Variants in CSMD1 observed in about 807,000 individuals in gnomAD.
The protein encoded by CSMD1 is CUB and Sushi multiple domains 1.
A neutral mutation model predicts 417.5 loss-of-function variants in CSMD1; 213 were observed. The ratio of observed to expected loss-of-function variants is 0.51; its 90% CI spans 0.46 to 0.57. The LOEUF (loss-of-function observed/expected upper bound fraction) is 0.57. Among genes scored for constraint, CSMD1 ranks in the 20% least tolerant of loss-of-function variants. The probability of loss-of-function intolerance (pLI) is 0.00; values close to 1 mark genes in which losing one functional copy is unlikely to be tolerated. For synonymous variants in CSMD1, 2,862 were observed against 1,736.8 expected, an observed-to-expected ratio of 1.65 and a Z score of -16.11; for missense variants, 6,923 against 4,529.7, an observed-to-expected ratio of 1.53 and a Z score of -15.17.
chr8:3,701,674 T>G (rs1800877923), intron 7 of CSMD1, among the ~76,000 whole-genome samples: 2 of 152,206 alleles, frequency 1.3e-5, no homozygotes, highest in African/African-American at 2.4e-5. Flanking sequence ...TGAAGTATAT[T>G]TTGCAAAATG....
intron 1 of CSMD1, among the ~76,000 whole-genome samples, chr8:4,910,885 G>A (rs947995886): frequency 6.6e-6 from 1 of 152,166 alleles, no homozygotes; most frequent in Admixed American, 6.5e-5. Context: ...ATTCCCATGT[G>A]TTGTGAAAGG....
At chr8:4,608,847 T>C (rs915877515) in intron 2 of CSMD1, among the ~76,000 whole-genome samples, 217 of 152,304 alleles carry the variant, frequency 1.4e-3, no homozygotes, top group African/African-American at 4.9e-3. Context: ...GAGATTGCTT[T>C]CTATAGAACA....
chr8:3,371,647 T>A (rs773310912), intron 18 of CSMD1, among the ~76,000 whole-genome samples: 1 of 152,200 alleles, frequency 6.6e-6, no homozygotes, highest in Non-Finnish European at 1.5e-5. Flanking sequence ...ACAAATAATA[T>A]TCACAAAAGA....
At chr8:3,702,540 T>A (rs1362413578) in intron 7 of CSMD1, among the ~76,000 whole-genome samples, 1 of 152,140 alleles carries the variant, frequency 6.6e-6, no homozygotes, top group Non-Finnish European at 1.5e-5. Flanking sequence ...CATTAAAAAA[T>A]AGAGTGCTGG....
chr8:3,600,659 A>G (rs1232995006), intron 8 of CSMD1, among the ~76,000 whole-genome samples: 4 of 152,222 alleles, frequency 2.6e-5, no homozygotes, highest in African/African-American at 9.6e-5. Flanking sequence ...GATAAGAGAC[A>G]GAAAACCATT....
chr8:3,393,050 A>G (rs1381923812), intron 17 of CSMD1, among the ~76,000 whole-genome samples: 3 of 152,186 alleles, frequency 2.0e-5, no homozygotes, highest in African/African-American at 7.2e-5. Context: ...ACATTTCCAT[A>G]TGTCTCTTCA....
intron 3 of CSMD1, among the ~76,000 whole-genome samples, chr8:4,325,188 A>G (rs1303717326): frequency 6.6e-6 from 1 of 152,142 alleles, no homozygotes; most frequent in African/African-American, 2.4e-5. Context: ...AACAAAGGAA[A>G]CTGTCATGAA....
At chr8:4,196,973 C>T (rs1177329920) in intron 3 of CSMD1, among the ~76,000 whole-genome samples, 1 of 152,158 alleles carries the variant, frequency 6.6e-6, no homozygotes, top group Admixed American at 6.6e-5. Flanking sequence ...TTGAGCCTCA[C>T]CGCCCCTCAC....
intron 4 of CSMD1, among the ~76,000 whole-genome samples, chr8:4,022,612 C>T (rs549112860): frequency 6.6e-6 from 1 of 152,252 alleles, no homozygotes; most frequent in East Asian, 1.9e-4. Context: ...TGCTTTGCGA[C>T]AGTCCTAGAA....
intron 2 of CSMD1, among the ~76,000 whole-genome samples, chr8:4,441,187 C>G (rs1175369339): frequency 7.8e-6 from 1 of 127,482 alleles, no homozygotes; most frequent in Non-Finnish European, 1.6e-5. Flanking sequence ...CAGTCTCAAA[C>G]TCCTGGGATC....
At chr8:4,681,730 T>A (rs1407848353) in intron 1 of CSMD1, among the ~76,000 whole-genome samples, 1 of 152,132 alleles carries the variant, frequency 6.6e-6, no homozygotes, top group Non-Finnish European at 1.5e-5. Flanking sequence ...AAAAGAAGCC[T>A]AGACCTATTG....
At chr8:4,426,571 A>G (rs6558877) in intron 2 of CSMD1, among the ~76,000 whole-genome samples, 24,023 of 146,884 alleles carry the variant, frequency 0.16, 2,075 homozygotes, top group South Asian at 0.28. Context: ...AGTATAGTAT[A>G]TATACACAGT....
At chr8:4,311,712 G>C (rs1243810018) in intron 3 of CSMD1, among the ~76,000 whole-genome samples, 1 of 104,132 alleles carries the variant, frequency 9.6e-6, no homozygotes, top group Non-Finnish European at 1.7e-5. Context: ...AACAAAGCAA[G>C]ACTCAGTCTC....
At chr8:4,205,223 ACT>A (rs1417575405) in intron 3 of CSMD1, among the ~76,000 whole-genome samples, 6 of 152,082 alleles carry the variant, frequency 3.9e-5, no homozygotes, top group Non-Finnish European at 8.8e-5. Flanking sequence ...CTTTGGTAGA[ACT>A]CTATTTCAAA....
chr8:3,564,401 A>T lies in CSMD1; in HGVS notation c.1344+10544T>A, dbSNP rs76820785. Reference sequence around the variant, plus strand: ...AGACATTCATTCACTCACACCTGCTAAATAGTTGCAAGTCTATTGTCTACA... The same window carrying T: ...AGACATTCATTCACTCACACCTGCTTAATAGTTGCAAGTCTATTGTCTACA... On this transcript the variant is annotated intron_variant, in intron 10 of 69. Transcript: ENST00000635120. Among the ~76,000 whole-genome samples, 1,301 of 152,284 alleles carry T rather than the reference A, an allele frequency of 8.5e-3. 22 individuals carry two copies. Among genetic ancestry groups the T allele is most frequent in the African/African-American group, 0.03 (1,228 of 41,548 alleles).
At chr8:3,117,159 C>A (rs944614989) in intron 42 of CSMD1, among the ~76,000 whole-genome samples, 1 of 152,144 alleles carries the variant, frequency 6.6e-6, no homozygotes, top group Non-Finnish European at 1.5e-5. Flanking sequence ...CAACCTCAGC[C>A]TCCTGGGTTC....
At chr8:4,574,461 C>G (rs138535614) in intron 2 of CSMD1, among the ~76,000 whole-genome samples, 1 of 152,292 alleles carries the variant, frequency 6.6e-6, no homozygotes, top group East Asian at 1.9e-4. Flanking sequence ...CACCTACTTT[C>G]TAACCAGTCC....
rs544974273 is a variant in CSMD1, at chr8:4,793,094, T to C, written c.86-155536A>G. On this transcript the variant is annotated intron_variant, in intron 1 of 69. Transcript: ENST00000635120. ...GAAAATATAATATAGCACTGTCATA[T>C]ACAATTTTTTCTTTTGTCTTAGAAA... Among the ~76,000 whole-genome samples the C allele has an allele frequency of 1.2e-4, 18 of 152,224 alleles. No individual in the cohort carries two copies. In the East Asian group the frequency reaches 1.5e-3, roughly 13 times the overall value.
At chr8:4,378,593 G>A (rs1260146113) in intron 3 of CSMD1, among the ~76,000 whole-genome samples, 1 of 152,136 alleles carries the variant, frequency 6.6e-6, no homozygotes, top group African/African-American at 2.4e-5. Context: ...CAAATACCTT[G>A]AGTCAAAAAG....
Sources: allele counts gnomAD v4.1 joint callset (sites outside exome capture counted in the v4.1 genomes callset), GRCh38; gene constraint gnomAD v4.1.1; transcripts MANE v1.5; gene names NCBI Gene and HGNC (gene_info 2026-07-23, HGNC 2026-07-21).